Variants in CASK observed in about 807,000 individuals in gnomAD.
CASK encodes the protein calcium/calmodulin dependent serine protein kinase.
In CASK, 4 loss-of-function variants were observed where a neutral mutation model predicts 82.9. The observed-to-expected ratio is 0.05, with a 90% confidence interval of 0.02 to 0.11. CASK has a LOEUF of 0.11. CASK is among the 10% of genes least tolerant of loss of function. The pLI, the probability that CASK is intolerant of heterozygous loss-of-function variation, is 1.00. For missense variants in CASK, 358 were observed against 720.9 expected (o/e 0.50, Z 5.76); for synonymous variants, 259 against 253.5 (o/e 1.02, Z -0.20).
At chrX:41,590,250 T>C (rs1337295409) in intron 12 of CASK, among the ~76,000 whole-genome samples, 1 of 111,523 alleles carries the variant, frequency 9.0e-6, no homozygotes, top group Non-Finnish European at 1.9e-5. Context: ...CTCATGCCTA[T>C]AATGCCAGAA....
chrX:41,859,649 AAG>A (rs1471016478), intron 1 of CASK, among the ~76,000 whole-genome samples: 9 of 111,910 alleles, frequency 8.0e-5, no homozygotes, highest in African/African-American at 2.9e-4. Context: ...TAGTGTTCCT[AAG>A]CACAAGAAGG....
chrX:41,550,665 G>T (rs1290555057), intron 21 of CASK, among the ~76,000 whole-genome samples: 1 of 109,276 alleles, frequency 9.2e-6, no homozygotes, highest in Non-Finnish European at 1.9e-5. Context: ...GGGAGGCTAA[G>T]GTGGAAGGAT....
At chrX:41,767,972 TTATC>T (rs1295438912) in intron 3 of CASK, among the ~76,000 whole-genome samples, 1 of 112,032 alleles carries the variant, frequency 8.9e-6, no homozygotes, top group Non-Finnish European at 1.9e-5. Flanking sequence ...TGGAGGGAAA[TTATC>T]TATACCTAAC....
At chrX:41,814,246 T>C (rs1297280302) in intron 2 of CASK, among the ~76,000 whole-genome samples, 1 of 111,858 alleles carries the variant, frequency 8.9e-6, no homozygotes, top group Non-Finnish European at 1.9e-5. Context: ...TTACTGGGTA[T>C]ATACCTAAAG....
chrX:41,724,453 T>C, intron 5 of CASK, among the ~76,000 whole-genome samples: 1 of 112,653 alleles, frequency 8.9e-6, no homozygotes, highest in Non-Finnish European at 1.9e-5. Context: ...TAGAACTTTT[T>C]TCATTTGTCA....
chrX:41,849,826 A>G (rs1207838296), intron 2 of CASK, among the ~76,000 whole-genome samples: 1 of 103,036 alleles, frequency 9.7e-6, no homozygotes, highest in Non-Finnish European at 2.1e-5. Context: ...GAGCAATGAG[A>G]ATTTAAAATA....
chrX:41,800,899 TG>T (rs1285743325), intron 2 of CASK, among the ~76,000 whole-genome samples: 1 of 112,024 alleles, frequency 8.9e-6, no homozygotes, highest in Non-Finnish European at 1.9e-5. Context: ...AGCTATCGAT[TG>T]GTTAAGTTTA....
intron 1 of CASK, among the ~76,000 whole-genome samples, chrX:41,910,597 T>C (rs113929643): frequency 0.01 from 1,153 of 111,902 alleles, 15 homozygotes; most frequent in African/African-American, 0.035. Context: ...CCCAGGCAAG[T>C]CTAACTAAGA....
At chrX:41,658,171 T>C (rs1393300853) in intron 8 of CASK, among the ~76,000 whole-genome samples, 1 of 111,996 alleles carries the variant, frequency 8.9e-6, no homozygotes, top group Non-Finnish European at 1.9e-5. Context: ...TGTGCATCTC[T>C]TTATCTATAT....
At chrX:41,871,724 A>G (rs1460054991) in intron 1 of CASK, among the ~76,000 whole-genome samples, 1 of 111,874 alleles carries the variant, frequency 8.9e-6, no homozygotes, top group East Asian at 2.8e-4. Context: ...ATCAGTTAAG[A>G]ATAAACAAAT....
chrX:41,760,931 G>A (rs2068988467), intron 3 of CASK, among the ~76,000 whole-genome samples: 1 of 111,212 alleles, frequency 9.0e-6, no homozygotes, highest in Non-Finnish European at 1.9e-5. Context: ...TGGATCCTCT[G>A]CCACCCCAAA....
At chrX:41,807,124 G>C (rs1031012796) in intron 2 of CASK, among the ~76,000 whole-genome samples, 1 of 110,979 alleles carries the variant, frequency 9.0e-6, no homozygotes, top group African/African-American at 3.3e-5. Flanking sequence ...GAAATAATTT[G>C]AGACTGAGAA....
chrX:41,665,575 C>T lies in CASK; in HGVS notation c.533-123G>A. The T allele has an allele frequency of 1.8e-5, 9 of 513,877 alleles. No individual in the cohort carries two copies. In the South Asian group the frequency reaches 2.9e-4, roughly 16 times the overall value. 42.3% of individuals were successfully genotyped at this position (513,877 alleles called of 1,213,427 possible). ...TTTACCAATACATATACTCTCACCA[C>T]TCCTCCACCTCTCCATAAAATCAAG... On this transcript the variant is annotated intron_variant, in intron 6 of 26. Coordinates refer to ENST00000378163, the MANE Select transcript of CASK (RefSeq NM_001367721.1).
chrX:41,663,144 G>T (rs191734231), intron 7 of CASK, among the ~76,000 whole-genome samples: 163 of 111,678 alleles, frequency 1.5e-3, no homozygotes, highest in Non-Finnish European at 2.2e-3. Context: ...AAGATTGTCT[G>T]TGTTACTGAA....
At chrX:41,683,696 G>A (rs1002483301) in intron 5 of CASK, among the ~76,000 whole-genome samples, 25 of 111,631 alleles carry the variant, frequency 2.2e-4, no homozygotes, top group African/African-American at 8.1e-4. Context: ...GTTATGCATG[G>A]ATTTTCAACT....
chrX:41,521,525 G>T (rs2064636863), intron 26 of CASK, among the ~76,000 whole-genome samples: 1 of 112,051 alleles, frequency 8.9e-6, no homozygotes, highest in South Asian at 3.8e-4. Context: ...GGAGTTTAGG[G>T]TCCCAGCTTT....
intron 5 of CASK, among the ~76,000 whole-genome samples, chrX:41,726,208 C>T (rs2068257677): frequency 8.9e-6 from 1 of 112,691 alleles, no homozygotes; most frequent in Admixed American, 9.4e-5. Flanking sequence ...CTTAGCCTCC[C>T]AAAGTGCTGA....
rs2065128692 is a variant in CASK, at chrX:41,553,769, G to A, written c.1989C>T (p.Asn663=). The part of the protein sequence containing the change: ...DHNWWQGKLE[N]SKNGTAGLIP... ...TGAGACCTGCAGTTCCATTTTTGGA[G>A]TTTTCCAGTTTACCCTGCCACCAAT... The change falls in exon 21 of 27, where the codon AAC becomes AAT. Residue 663 remains asparagine, a synonymous_variant. Coordinates refer to ENST00000378163, the MANE Select transcript of CASK (RefSeq NM_001367721.1). The A allele has an allele frequency of 8.3e-7, 1 of 1,204,805 alleles. No homozygotes were observed. The highest frequency in any genetic ancestry group is 1.1e-6 in the Non-Finnish European group (1 of 890,956).
intron 11 of CASK, among the ~76,000 whole-genome samples, chrX:41,621,282 A>G (rs762958621): frequency 8.9e-5 from 10 of 111,986 alleles, no homozygotes; most frequent in African/African-American, 2.9e-4. Flanking sequence ...CCTGGAGTGC[A>G]GGCTGGACTT....
Sources: allele counts gnomAD v4.1 joint callset (sites outside exome capture counted in the v4.1 genomes callset), GRCh38; gene constraint gnomAD v4.1.1; transcripts MANE v1.5; gene names NCBI Gene and HGNC (gene_info 2026-07-23, HGNC 2026-07-21).